The following PDGFD variants were observed in gnomAD, a reference collection of about 807,000 sequenced individuals.
The protein encoded by PDGFD is platelet-derived growth factor D.
A neutral mutation model predicts 44.7 loss-of-function variants in PDGFD; 30 were observed. The observed-to-expected ratio is 0.67, with a 90% CI of 0.50 to 0.91. The LOEUF (loss-of-function observed/expected upper bound fraction) is 0.91. Ranked by LOEUF, PDGFD falls within the 40% of genes least tolerant of loss-of-function variation. PDGFD has a pLI of 0.00. For synonymous variants in PDGFD, 173 were observed against 168.4 expected, an observed-to-expected ratio of 1.03 and a Z score of -0.21; for missense variants, 445 against 457.8, an observed-to-expected ratio of 0.97 and a Z score of 0.25.
chr11:103,979,926 T>C (rs149384688), intron 3 of PDGFD, among the ~76,000 whole-genome samples: 2 of 152,260 alleles, frequency 1.3e-5, no homozygotes, highest in African/African-American at 4.8e-5. Context: ...AAATCAAAAT[T>C]AGGCACTGGC....
chr11:103,921,854 G>A (rs144992720), intron 6 of PDGFD, among the ~76,000 whole-genome samples: 928 of 65,640 alleles, frequency 0.014, 22 homozygotes, highest in African/African-American at 0.052. Context: ...GCCTTGTGTG[G>A]TAATTTAAAT....
At chr11:103,971,273 G>A (rs1859098198) in intron 3 of PDGFD, among the ~76,000 whole-genome samples, 1 of 152,098 alleles carries the variant, frequency 6.6e-6, no homozygotes, top group African/African-American at 2.4e-5. Context: ...AGCAATAAAA[G>A]CAGTTAGTAT....
At chr11:104,148,880 A>G (rs1862202831) in intron 1 of PDGFD, among the ~76,000 whole-genome samples, 2 of 152,158 alleles carry the variant, frequency 1.3e-5, no homozygotes, top group African/African-American at 4.8e-5. Flanking sequence ...GCTAAGGATA[A>G]TGGCCTCCAG....
intron 6 of PDGFD, among the ~76,000 whole-genome samples, chr11:103,920,476 T>C (rs1448161729): frequency 2.0e-5 from 3 of 152,228 alleles, no homozygotes; most frequent in Non-Finnish European, 2.9e-5. Context: ...ATGACACAGA[T>C]GGGCCTTGTC....
rs543024158 is a variant in PDGFD at position 103,952,267 on chromosome 11, T to C, written c.511-4543A>G. On this transcript the variant is annotated intron_variant, in intron 3 of 6. Coordinates refer to ENST00000393158, the MANE Select transcript of PDGFD (RefSeq NM_025208.5). Reference sequence around the variant, plus strand: ...AACAGTGAATAATCATTTAAAATTATATTAACAGTTTAGTTTACAAAGAAA... The same window carrying C: ...AACAGTGAATAATCATTTAAAATTACATTAACAGTTTAGTTTACAAAGAAA... 5.9e-5 allele frequency among the ~76,000 whole-genome samples: 9 copies of C among 152,352 alleles called. No homozygotes were observed. The South Asian group carries it at 1.9e-3, about 32-fold the overall frequency.
At chr11:103,947,830 A>C in intron 3 of PDGFD, 106 bp from the exon 4 acceptor site, 1 of 831,260 alleles carries the variant, frequency 1.2e-6, no homozygotes. Flanking sequence ...ACTAAGTGAC[A>C]ACAGACATAG....
At chr11:104,014,140 C>T (rs1380424160) in intron 1 of PDGFD, among the ~76,000 whole-genome samples, 4 of 152,152 alleles carry the variant, frequency 2.6e-5, no homozygotes, top group African/African-American at 9.7e-5. Context: ...TTTGCCATCC[C>T]TTTATATAGC....
chr11:104,069,571 A>C (rs1860842855), intron 1 of PDGFD, among the ~76,000 whole-genome samples: 1 of 152,222 alleles, frequency 6.6e-6, no homozygotes, highest in Non-Finnish European at 1.5e-5. Flanking sequence ...TGGCTAAAAA[A>C]TGATGCTGGC....
At chr11:103,953,950 C>T (rs1858797987) in intron 3 of PDGFD, among the ~76,000 whole-genome samples, 1 of 152,194 alleles carries the variant, frequency 6.6e-6, no homozygotes, top group African/African-American at 2.4e-5. Context: ...AATGAACCAT[C>T]AGCTCAGGGT....
At chr11:103,961,827 G>T (rs1858941182) in intron 3 of PDGFD, among the ~76,000 whole-genome samples, 1 of 152,104 alleles carries the variant, frequency 6.6e-6, no homozygotes, top group Non-Finnish European at 1.5e-5. Context: ...AGCCCCAAAG[G>T]GTTAAGTGTC....
At position 104,151,860 on chromosome 11, in the gene PDGFD, C is replaced by T. The variant is rs150720749; in HGVS notation, c.124+11944G>A. Among the ~76,000 whole-genome samples the T allele has an allele frequency of 2.9e-4, 44 of 151,834 alleles. No individual in the cohort carries two copies. The East Asian group carries it at 7.7e-3, about 27-fold the overall frequency. On this transcript the variant is annotated intron_variant, in intron 1 of 6. Transcript: ENST00000393158. ...CCAATACAGATTTTTTTCTATTGAACCAAATATTAGGATAGATAATTTGTG... is the reference window on the plus strand; with the variant it reads ...CCAATACAGATTTTTTTCTATTGAATCAAATATTAGGATAGATAATTTGTG...
chr11:104,116,897 G>A (rs1275335750), intron 1 of PDGFD, among the ~76,000 whole-genome samples: 2 of 151,936 alleles, frequency 1.3e-5, no homozygotes, highest in Non-Finnish European at 2.9e-5. Context: ...TGTAAGAAGT[G>A]CCTTTCACCA....
chr11:103,948,496 A>G (rs1414081847), intron 3 of PDGFD, among the ~76,000 whole-genome samples: 1 of 152,214 alleles, frequency 6.6e-6, no homozygotes, highest in Admixed American at 6.5e-5. Context: ...TAATTACTAC[A>G]GCACCAGGAA....
intron 1 of PDGFD, among the ~76,000 whole-genome samples, chr11:104,143,313 G>C (rs769100365): frequency 3.9e-5 from 6 of 152,170 alleles, no homozygotes; most frequent in Non-Finnish European, 7.4e-5. Context: ...TAAAACTGCT[G>C]TCTAATATCT....
chr11:104,143,724 C>T (rs1862119750), intron 1 of PDGFD, among the ~76,000 whole-genome samples: 1 of 152,264 alleles, frequency 6.6e-6, no homozygotes, highest in East Asian at 1.9e-4. Flanking sequence ...TGCCAAAGTG[C>T]CTGGCATATA....
chr11:103,965,106 A>G, intron 3 of PDGFD, among the ~76,000 whole-genome samples: 1 of 152,008 alleles, frequency 6.6e-6, no homozygotes, highest in Non-Finnish European at 1.5e-5. Context: ...AAAACTTTTT[A>G]TTTTATGTGA....
chr11:104,001,443 A>C (rs995347429), intron 1 of PDGFD, among the ~76,000 whole-genome samples: 3 of 152,266 alleles, frequency 2.0e-5, no homozygotes, highest in Non-Finnish European at 4.4e-5. Context: ...TTGTTCTAGC[A>C]AATATCAAAC....
chr11:104,007,437 T>C (rs975414754), intron 1 of PDGFD, among the ~76,000 whole-genome samples: 11 of 152,332 alleles, frequency 7.2e-5, no homozygotes, highest in African/African-American at 2.6e-4. Context: ...ATGTTTTTCT[T>C]CTCATATCAT....
chr11:104,042,911 G>A (rs1591136039), intron 1 of PDGFD, among the ~76,000 whole-genome samples: 6 of 152,134 alleles, frequency 3.9e-5, no homozygotes, highest in Admixed American at 3.9e-4. Context: ...CTTCTGTCAT[G>A]TCTAAGGATT....
Sources: allele counts gnomAD v4.1 joint callset (sites outside exome capture counted in the v4.1 genomes callset), GRCh38; gene constraint gnomAD v4.1.1; transcripts MANE v1.5; gene names NCBI Gene and HGNC (gene_info 2026-07-23, HGNC 2026-07-21).